SEPTIN3: variants seen among roughly 807,000 people sequenced by gnomAD.
SEPTIN3 encodes the protein septin 3, also known as neuronal-specific septin-3.
A neutral mutation model predicts 45.1 loss-of-function variants in SEPTIN3; 15 were observed. That is an observed-to-expected ratio of 0.33 (90% CI 0.22 to 0.51). The LOEUF is 0.51. Ranked by LOEUF, SEPTIN3 falls within the 20% of genes least tolerant of loss-of-function variation. The pLI, the probability that SEPTIN3 is intolerant of heterozygous loss-of-function variation, is 0.97. For missense variants in SEPTIN3, 289 were observed against 457.2 expected (o/e 0.63, Z 3.35); for synonymous variants, 148 against 164.8 (o/e 0.90, Z 0.78).
chr22:41,996,941 G>A lies in SEPTIN3; in HGVS notation c.2545G>A (p.Ala849Thr), dbSNP rs138812799. Reference sequence around the variant, plus strand: ...GGGCACTGTCCTTCCACCTGTGCCAGCCACCCCCTGCCCCACTGCTGAATG... The same window carrying A: ...GGGCACTGTCCTTCCACCTGTGCCAACCACCCCCTGCCCCACTGCTGAATG... ...LLGTVLPPVP[A>T]TPCPTAE Residue 849 changes from alanine to threonine, a missense_variant, in exon 12 of 12, where the codon GCC (alanine) becomes ACC (threonine). Ala to Thr is a moderately conservative substitution (Grantham distance 58). This residue lies in a region of SEPTIN3 where 84 missense variants were observed against 114.7 expected (regional missense o/e 0.73). Coordinates refer to ENST00000644076, the MANE Select transcript of SEPTIN3 (RefSeq NM_001363845.2). 14 of 1,613,926 alleles carry A rather than the reference G, an allele frequency of 8.7e-6. No individual in the cohort carries two copies. In the African/African-American group the frequency reaches 1.9e-4, roughly 22 times the overall value.
intron 6 of SEPTIN3, among the ~76,000 whole-genome samples, chr22:41,989,055 G>C (rs1416214128): frequency 6.6e-6 from 1 of 150,612 alleles, no homozygotes. Flanking sequence ...GAGCCCTGGA[G>C]GTCAAGGCTG....
rs576062501 is a variant in SEPTIN3, at chr22:41,972,787, G to C, written c.1295G>C (p.Gly432Ala). The change falls in exon 2 of 12, where the codon GGC (glycine) becomes GCC (alanine). Residue 432 changes from glycine to alanine, a missense_variant. Coordinates refer to ENST00000644076, the MANE Select transcript of SEPTIN3 (RefSeq NM_001363845.2). Reference sequence around the variant, plus strand: ...CTTGCTTTGGACACAAGCAGGATGGGCACAGCTGTGGGTTCAGTTGTGCCA... The same window carrying C: ...CTTGCTTTGGACACAAGCAGGATGGCCACAGCTGTGGGTTCAGTTGTGCCA... ...NSLALDTSRM[G>A]TAVGSVVPVT... The C allele has an allele frequency of 7.3e-5, 29 of 399,162 alleles. No homozygotes were observed. Among genetic ancestry groups the C allele is most frequent in the Admixed American group, 2.2e-4 (5 of 22,736 alleles). 24.7% of individuals were successfully genotyped at this position (399,162 alleles called of 1,614,324 possible).
At chr22:41,984,065 G>A (rs1477794679) in intron 3 of SEPTIN3, among the ~76,000 whole-genome samples, 2 of 152,222 alleles carry the variant, frequency 1.3e-5, no homozygotes, top group Admixed American at 6.5e-5. Context: ...GTCATGGCAC[G>A]TGTTCAGTGC....
chr22:41,992,386 A>C (rs1267367741), intron 8 of SEPTIN3, among the ~76,000 whole-genome samples: 1 of 152,202 alleles, frequency 6.6e-6, no homozygotes, highest in Non-Finnish European at 1.5e-5. Flanking sequence ...CTCAAAAAAG[A>C]AAGTACAAAG....
At chr22:41,993,892 A>C (rs1316343918) in intron 9 of SEPTIN3, among the ~76,000 whole-genome samples, 1 of 152,210 alleles carries the variant, frequency 6.6e-6, no homozygotes, top group Non-Finnish European at 1.5e-5. Flanking sequence ...CATGTAGTGC[A>C]TGACCTTTTT....
chr22:41,980,550 A>G (rs2078105471), intron 2 of SEPTIN3, among the ~76,000 whole-genome samples: 1 of 152,178 alleles, frequency 6.6e-6, no homozygotes. Context: ...GGTCTTCCCA[A>G]GTCCACAAAG....
rs1428191157 is a variant in SEPTIN3, at chr22:41,998,191, GTA to G, written c.*1225_*1226del. ...TAATTGTTGCTAGACTTTATGTGTT[GTA>G]CAACTAAACATTGCTGTTTGAACAG... On this transcript the variant is annotated 3_prime_UTR_variant, in exon 12 of 12. Transcript: ENST00000644076. 1.3e-5 allele frequency: 2 copies of G among 152,638 alleles called. No individual in the cohort carries two copies. Among genetic ancestry groups the G allele is most frequent in the African/African-American group, 2.4e-5 (1 of 41,446 alleles). The allele number at this position is 152,638 out of a possible 1,614,324, so 9.5% of individuals were successfully genotyped here.
Position 41,997,708 on chromosome 22 carries a change from G to C in SEPTIN3, c.*741G>C, listed in dbSNP as rs1921014522. On this transcript the variant is annotated 3_prime_UTR_variant, in exon 12 of 12. Transcript: ENST00000644076. Reference sequence around the variant, plus strand: ...ATATGTACACGCTAAGGAAAAACTAGCACCCTTCTGTCCACTCAGCAATAA... The same window carrying C: ...ATATGTACACGCTAAGGAAAAACTACCACCCTTCTGTCCACTCAGCAATAA... 1 of 152,514 alleles carries C rather than the reference G, an allele frequency of 6.6e-6. No individual in the cohort carries two copies. The highest frequency in any genetic ancestry group is 1.5e-5 in the Non-Finnish European group (1 of 68,044). 9.4% of individuals were successfully genotyped at this position (152,514 alleles called of 1,614,324 possible).
intron 9 of SEPTIN3, among the ~76,000 whole-genome samples, chr22:41,993,870 A>C (rs922212763): frequency 6.6e-6 from 1 of 152,128 alleles, no homozygotes; most frequent in Non-Finnish European, 1.5e-5. Context: ...ATATATGTTG[A>C]ATTGGATTTG....
At position 41,994,552 on chromosome 22, in the gene SEPTIN3, G is replaced by A; in HGVS notation, c.2412-69G>A. On this transcript the variant is annotated intron_variant, in intron 10 of 11. Coordinates refer to ENST00000644076, the MANE Select transcript of SEPTIN3 (RefSeq NM_001363845.2). This position sits in a 1 kb window ranked among gnomAD's most constrained non-coding sequence, Gnocchi z 4.2. ...TTCACTGGGTCCAGTCCCTCGAAGT[G>A]ATGTGTGTCACCGCCTCCTCTTCCT... The A allele has an allele frequency of 6.2e-7, 1 of 1,607,112 alleles. No homozygotes were observed. The highest frequency in any genetic ancestry group is 1.1e-5 in the South Asian group (1 of 90,408).
intron 6 of SEPTIN3, among the ~76,000 whole-genome samples, chr22:41,988,916 A>AG (rs1182735500): frequency 6.6e-6 from 1 of 152,124 alleles, no homozygotes; most frequent in Non-Finnish European, 1.5e-5. Flanking sequence ...GCTTGAGTCC[A>AG]GGAGTTCAAG....
intron 11 of SEPTIN3, chr22:41,995,033 T>C: frequency 6.6e-6 from 8 of 1,204,176 alleles, no homozygotes; most frequent in Non-Finnish European, 8.3e-6. Context: ...CTGTCCATTA[T>C]CTGTCTCCTT....
intron 11 of SEPTIN3, chr22:41,995,951 G>T (rs2078427525): frequency 2.0e-6 from 2 of 983,902 alleles, no homozygotes; most frequent in Non-Finnish European, 2.4e-6. Context: ...TAGTAATTTG[G>T]CTTCAAAGAC....
In SEPTIN3 at chr22:41,991,480, C is replaced by T. The variant is rs565264141; in HGVS notation, c.2164-93C>T. 10 of 877,728 alleles carry T rather than the reference C, an allele frequency of 1.1e-5. No homozygotes were observed. In the Admixed American group the frequency reaches 1.8e-4, roughly 15 times the overall value. The allele number at this position is 877,728 out of a possible 1,614,324, so 54.4% of individuals were successfully genotyped here. On this transcript the variant is annotated intron_variant, in intron 7 of 11. Transcript: ENST00000644076. ...GTGGATTATCCAAGGCTGGATTTGGCTCTCTGACCTCAGCTCACGCACACA... is the reference window on the plus strand; with the variant it reads ...GTGGATTATCCAAGGCTGGATTTGGTTCTCTGACCTCAGCTCACGCACACA...
intron 2 of SEPTIN3, among the ~76,000 whole-genome samples, chr22:41,974,201 A>G (rs1602409282): frequency 6.6e-6 from 1 of 152,002 alleles, no homozygotes; most frequent in East Asian, 1.9e-4. Flanking sequence ...TGGAGGAGCA[A>G]TTATGGTGAG....
At chr22:41,990,483 T>A (rs146951100) in intron 7 of SEPTIN3, among the ~76,000 whole-genome samples, 4 of 149,718 alleles carry the variant, frequency 2.7e-5, no homozygotes, top group South Asian at 4.4e-4. Flanking sequence ...TGGTGGCTCA[T>A]GCCTGTAATC....
At chr22:41,988,285 A>T (rs898233999) in intron 6 of SEPTIN3, among the ~76,000 whole-genome samples, 1 of 152,136 alleles carries the variant, frequency 6.6e-6, no homozygotes, top group East Asian at 1.9e-4. Flanking sequence ...GTACTATCTG[A>T]TAGGCAGAAT....
At chr22:41,977,456 G>A (rs1041553697) in intron 2 of SEPTIN3, among the ~76,000 whole-genome samples, 2 of 152,090 alleles carry the variant, frequency 1.3e-5, no homozygotes, top group Non-Finnish European at 2.9e-5. Context: ...ACAGGCACAC[G>A]CTGAGACAGG....
Position 41,987,689 on chromosome 22 carries a change from G to A in SEPTIN3, c.1975G>A (p.Ala659Thr), listed in dbSNP as rs1248357667. The change falls in exon 6 of 12, where the codon GCC becomes ACC. Residue 659 changes from alanine to threonine, a missense_variant. Coordinates refer to ENST00000644076, the MANE Select transcript of SEPTIN3 (RefSeq NM_001363845.2). Reference protein sequence around the residue: ...EKFLKEEVNIARKKRIPDTRV... With the variant: ...EKFLKEEVNITRKKRIPDTRV... ...GTTCCTGAAGGAGGAGGTCAACATC[G>A]CCAGGAAGAAACGCATCCCTGACAC... 6.2e-6 allele frequency: 10 copies of A among 1,613,904 alleles called. No homozygotes were observed. The highest frequency in any genetic ancestry group is 1.7e-5 in the Admixed American group (1 of 59,994).
Sources: allele counts gnomAD v4.1 joint callset (sites outside exome capture counted in the v4.1 genomes callset), GRCh38; gene constraint gnomAD v4.1.1; regional missense constraint gnomAD v4.1.1; non-coding constraint Gnocchi (gnomAD v3.1); transcripts MANE v1.5; gene names NCBI Gene and HGNC (gene_info 2026-07-23, HGNC 2026-07-21).